Variants in NAPRT observed in about 807,000 individuals in gnomAD.
NAPRT encodes the protein nicotinate phosphoribosyltransferase, also known as FHA-HIT-interacting protein.
In NAPRT, 66 loss-of-function variants were observed where a neutral mutation model predicts 60.7. The observed-to-expected ratio is 1.09, with a 90% CI of 0.89 to 1.33. NAPRT has a LOEUF of 1.33. Ranked by LOEUF, NAPRT falls within the 40% of genes most tolerant of loss-of-function variation. The probability of loss-of-function intolerance (pLI) is 0.00; values close to 1 mark genes in which losing one functional copy is unlikely to be tolerated. For synonymous variants in NAPRT, 405 were observed against 335.7 expected (o/e 1.21, Z -2.26); for missense variants, 818 against 731.5 (o/e 1.12, Z -1.36).
In NAPRT at chr8:143,575,481, G is replaced by A. The variant is rs369901658; in HGVS notation, c.1233C>T (p.Asp411=). 8.1e-5 allele frequency: 130 copies of A among 1,599,692 alleles called. No homozygotes were observed. Among genetic ancestry groups the A allele is most frequent in the Non-Finnish European group, 1.0e-4 (118 of 1,168,962 alleles). The change falls in exon 10 of 13, where the codon GAC becomes GAT. Residue 411 remains aspartate (D), a synonymous_variant. Coordinates refer to ENST00000449291, the MANE Select transcript of NAPRT (RefSeq NM_145201.6). ...TCCCAGGCAACGTCTGCTTCTCGGG[G>A]TCCTCGGTCAGCTTCATTCGTGGCT... is the stretch of plus-strand genomic sequence containing the variant. The part of the protein sequence containing the change: ...GGQPRMKLTE[D]PEKQTLPGSK...
At position 143,578,305 on chromosome 8, in the gene NAPRT, T is replaced by C. The variant is rs1275805456; in HGVS notation, c.14A>G (p.Gln5Arg). The C allele has an allele frequency of 3.6e-6, 5 of 1,379,718 alleles. No individual in the cohort carries two copies. The African/African-American group carries it at 7.7e-5, about 21-fold the overall frequency. 85.5% of individuals were successfully genotyped at this position (1,379,718 alleles called of 1,614,324 possible). A position where few individuals can be genotyped will look rare whatever the true frequency, so the allele number is the denominator to read the frequency against. Residue 5 changes from glutamine (Q) to arginine (R), a missense_variant, in exon 1 of 13, where the codon CAG becomes CGG. Transcript: ENST00000449291. ...CGCCGCCGCGCGCGCCTCGGGGTCC[T>C]GCTCCGCCGCCATCCTGCTCCCGAC... Reference protein sequence around the residue: MAAEQDPEARAAARP... With the variant: MAAERDPEARAAARP...
At position 143,577,175 on chromosome 8, in the gene NAPRT, A is replaced by C; in HGVS notation, c.571T>G (p.Phe191Val). ...TASTYSYLGG[F>V]DSSSNVLAGQ... ...GCTAGCACGTTGCTGCTGCTGTCGA[A>C]GCCTGGGGAGGAAGGCGGTGGGATT... is the stretch of plus-strand genomic sequence containing the variant. The change falls in exon 5 of 13, where the codon TTC (phenylalanine) becomes GTC (valine). Residue 191 changes from phenylalanine to valine, a missense_variant and splice_region_variant. Transcript: ENST00000449291. The C allele has an allele frequency of 6.2e-7, 1 of 1,611,478 alleles. No homozygotes were observed. The highest frequency in any genetic ancestry group is 8.5e-7 in the Non-Finnish European group (1 of 1,178,924).
rs547693777 is a variant in NAPRT, at chr8:143,574,805, T to C, written c.*33A>G. On this transcript the variant is annotated 3_prime_UTR_variant, in exon 13 of 13. Coordinates refer to ENST00000449291, the MANE Select transcript of NAPRT (RefSeq NM_145201.6). The stretch of plus-strand genomic sequence containing the variant: ...CAAGCTGTGGGGAAAAGTGAGTGAT[T>C]CGTGTTGTTTCCAGTCAGCCCCGCT... 1.9e-6 allele frequency: 3 copies of C among 1,550,110 alleles called. No individual in the cohort carries two copies. In the East Asian group the frequency reaches 7.3e-5, roughly 38 times the overall value.
chr8:143,573,235 G>A (rs1414309085), downstream of NAPRT, among the ~76,000 whole-genome samples: 1 of 152,134 alleles, frequency 6.6e-6, no homozygotes, highest in Admixed American at 6.5e-5. Flanking sequence ...GGCTCTGTCA[G>A]ACACCTTGCA....
intron 7 of NAPRT, 39 bp downstream of exon 7, chr8:143,576,393 G>C (rs772121118): frequency 6.3e-7 from 1 of 1,575,056 alleles, no homozygotes; most frequent in Non-Finnish European, 8.6e-7. Flanking sequence ...AAACCCCGGG[G>C]ATCTCCCACC....
intron 9 of NAPRT, 48 bp from the exon 10 acceptor site, chr8:143,575,573 C>A (rs1193868049): frequency 1.3e-6 from 2 of 1,590,456 alleles, no homozygotes; most frequent in African/African-American, 1.3e-5. Flanking sequence ...CCCCACCCAG[C>A]ACCATCCCTC....
intron 2 of NAPRT, 24 bp from the exon 3 acceptor site, chr8:143,577,763 G>A (rs1254711835): frequency 1.3e-6 from 2 of 1,562,298 alleles, no homozygotes; most frequent in South Asian, 1.2e-5. Context: ...AGTCAGCTCC[G>A]CGCTCGGCCC....
At position 143,577,682 on chromosome 8, in the gene NAPRT, G is replaced by A; in HGVS notation, c.412C>T (p.Leu138=). The change falls in exon 3 of 13, where the codon CTG becomes TTG. Residue 138 remains leucine (L), a synonymous_variant. Coordinates refer to ENST00000449291, the MANE Select transcript of NAPRT (RefSeq NM_145201.6). ...CTGGCGTAGCTGACCAGGCAGAGCA[G>A]CGGTGTCTCCAGCAGCTGCACCACC... ...LLVVQLLETP[L]LCLVSYASLV... is the part of the protein sequence containing the mutation. 1 of 1,540,956 alleles carries A rather than the reference G, an allele frequency of 6.5e-7. No individual in the cohort carries two copies. The highest frequency in any genetic ancestry group is 2.0e-5 in the Admixed American group (1 of 51,132).
In NAPRT at chr8:143,574,917, A is replaced by G; in HGVS notation, c.1555-17T>C. 6.4e-7 allele frequency: 1 copy of G among 1,550,564 alleles called. No homozygotes were observed. Among genetic ancestry groups the G allele is most frequent in the Non-Finnish European group, 8.7e-7 (1 of 1,146,986 alleles). ...CAGCACCACCTGCAGGGAGCAGAGG[A>G]CAGGAGCGGTGGGCAGGGTGAGGGC... On this transcript the variant is annotated splice_polypyrimidine_tract_variant and intron_variant, in intron 12 of 12. Transcript: ENST00000449291.
In NAPRT at chr8:143,577,690, T is replaced by G. The variant is rs1204036789; in HGVS notation, c.404A>C (p.Glu135Ala). The G allele has an allele frequency of 6.5e-7, 1 of 1,542,126 alleles. No homozygotes were observed. The highest frequency in any genetic ancestry group is 2.0e-5 in the Admixed American group (1 of 51,212). The change falls in exon 3 of 13, where the codon GAG becomes GCG. Residue 135 changes from glutamate (E) to alanine (A), a missense_variant. Transcript: ENST00000449291. ...SGPLLVVQLL[E>A]TPLLCLVSYA... is the part of the protein sequence containing the mutation. ...GCTGACCAGGCAGAGCAGCGGTGTCTCCAGCAGCTGCACCACCAGGAGCGG... is the reference window on the plus strand; with the variant it reads ...GCTGACCAGGCAGAGCAGCGGTGTCGCCAGCAGCTGCACCACCAGGAGCGG...
chr8:143,576,080 C>T lies in NAPRT; in HGVS notation c.1105G>A (p.Glu369Lys), dbSNP rs1824433324. The change falls in exon 8 of 13, where the codon GAG (glutamate) becomes AAG (lysine). Residue 369 changes from glutamate (E) to lysine (K), a missense_variant and splice_region_variant. Transcript: ENST00000449291. ...DEEALARLAQ[E>K]GSEVNVIGIG... ...GCCTACCCACTCATCCACCCCACCT[C>T]CTGGGCCAGTCGGGCCAGCGCCTCC... is the stretch of plus-strand genomic sequence containing the variant. The T allele has an allele frequency of 6.3e-7, 1 of 1,592,608 alleles. No individual in the cohort carries two copies. Among genetic ancestry groups the T allele is most frequent in the Admixed American group, 1.7e-5 (1 of 58,284 alleles).
rs1563929881 is a variant in NAPRT, at chr8:143,575,426, C to A, written c.1288G>T (p.Asp430Tyr). 1 of 1,592,016 alleles carries A rather than the reference C, an allele frequency of 6.3e-7. No individual in the cohort carries two copies. Residue 430 changes from aspartate (D) to tyrosine (Y), a missense_variant, in exon 10 of 13, where the codon GAC becomes TAC. Asp to Tyr is a radical substitution (Grantham distance 160). Coordinates refer to ENST00000449291, the MANE Select transcript of NAPRT (RefSeq NM_145201.6). ...AGGGGGGATGGGAGGGCCTCACCGT[C>A]AGAGCCCAGGAGCCGGAAAGCAGCC... ...SKAAFRLLGS[D>Y]GSPLMDMLQL...
In NAPRT at chr8:143,577,081, C is replaced by T; in HGVS notation, c.665G>A (p.Ser222Asn). The change falls in exon 5 of 13, where the codon AGC (serine) becomes AAC (asparagine). Residue 222 changes from serine (S) to asparagine (N), a missense_variant. Ser to Asn is a conservative substitution (Grantham distance 46). Transcript: ENST00000449291. Reference protein sequence around the residue: ...AHSFVTSFSGSEVPPDPMLAP... With the variant: ...AHSFVTSFSGNEVPPDPMLAP... The stretch of plus-strand genomic sequence containing the variant: ...ACTGACCGGGTCAGGGGGCACCTCG[C>T]TGCCTGAAAAGGAAGTGACGAAGGA... The T allele has an allele frequency of 6.2e-7, 1 of 1,612,922 alleles. No homozygotes were observed. Among genetic ancestry groups the T allele is most frequent in the Non-Finnish European group, 8.5e-7 (1 of 1,179,870 alleles).
chr8:143,576,996 C>A (rs892415871), intron 5 of NAPRT, 66 bp downstream of exon 5: 1 of 1,560,938 alleles, frequency 6.4e-7, no homozygotes, highest in Non-Finnish European at 8.8e-7. Context: ...GCACACCTCT[C>A]GCCAGGGCAA....
Position 143,576,461 on chromosome 8 carries a change from G to A in NAPRT, c.993C>T (p.Ile331=). Residue 331 remains isoleucine (I), a synonymous_variant, in exon 7 of 13, where the codon ATC becomes ATT. Transcript: ENST00000449291. ...SGDLLQQAQE[I]RKVFRAAAAQ... is the part of the protein sequence containing the mutation. The stretch of plus-strand genomic sequence containing the variant: ...CTGCAGCAGCTCGGAAGACCTTGCG[G>A]ATCTCCTGAGCCTGCTGTAGCAGGT... The A allele has an allele frequency of 6.2e-7, 1 of 1,611,158 alleles. No homozygotes were observed. Among genetic ancestry groups the A allele is most frequent in the African/African-American group, 1.3e-5 (1 of 74,926 alleles).
rs1271144126 is a variant in NAPRT, at chr8:143,575,008, A to G, written c.1532T>C (p.Leu511Pro). Residue 511 changes from leucine (L) to proline (P), a missense_variant, in exon 12 of 13, where the codon CTG becomes CCG. Coordinates refer to ENST00000449291, the MANE Select transcript of NAPRT (RefSeq NM_145201.6). ...LSRLSPEHRR[L>P]RSPAQYQVVL... ...AACCTGGTACTGTGCAGGGCTCCGCAGCCGCCTGTGCTCAGGGCTGAGTCG... is the reference window on the plus strand; with the variant it reads ...AACCTGGTACTGTGCAGGGCTCCGCGGCCGCCTGTGCTCAGGGCTGAGTCG... 1.3e-6 allele frequency: 2 copies of G among 1,523,874 alleles called. No individual in the cohort carries two copies. Among genetic ancestry groups the G allele is most frequent in the Admixed American group, 4.1e-5 (2 of 49,066 alleles). 94.4% of individuals were successfully genotyped at this position (1,523,874 alleles called of 1,614,324 possible). A position where few individuals can be genotyped will look rare whatever the true frequency, so the allele number is the denominator to read the frequency against.
intron 3 of NAPRT, 57 bp from the exon 4 acceptor site, chr8:143,577,456 ACGG>A (rs1824557634): frequency 6.5e-7 from 1 of 1,550,114 alleles, no homozygotes; most frequent in Non-Finnish European, 8.7e-7. Flanking sequence ...GCCACCCAAG[ACGG>A]CGGTTACCTG....
rs872935 is a variant in NAPRT at position 143,576,541 on chromosome 8, G to C, written c.913C>G (p.Leu305Val). The change falls in exon 7 of 13, where the codon CTG becomes GTG. Residue 305 changes from leucine to valine, a missense_variant. Leu to Val is a conservative substitution (Grantham distance 32). Coordinates refer to ENST00000449291, the MANE Select transcript of NAPRT (RefSeq NM_145201.6). Reference protein sequence around the residue: ...SGLPNFLAVALALGELGYRAV... With the variant: ...SGLPNFLAVAVALGELGYRAV... ...CGGTAGCCCAGCTCTCCCAGGGCCAGGGCGACTGCTAGGAAGTTGGGGAGA... is the reference window on the plus strand; with the variant it reads ...CGGTAGCCCAGCTCTCCCAGGGCCACGGCGACTGCTAGGAAGTTGGGGAGA... The C allele has an allele frequency of 8.7e-6, 14 of 1,610,936 alleles. No homozygotes were observed. In the South Asian group the frequency reaches 1.3e-4, roughly 15 times the overall value.
At chr8:143,576,186 T>C (rs1005360878) in intron 7 of NAPRT, 24 bp from the exon 8 acceptor site, 24 of 1,571,038 alleles carry the variant, frequency 1.5e-5, no homozygotes, top group Non-Finnish European at 2.1e-5. Context: ...GGAGAAAGGG[T>C]GGGGGCCACC....
Sources: gnomAD v4.1 joint callset for allele counts (sites outside exome capture counted in the v4.1 genomes callset) on GRCh38, gnomAD v4.1.1 for gene constraint, MANE v1.5 for transcripts, NCBI Gene and HGNC (gene_info 2026-07-23, HGNC 2026-07-21) for gene names.